The following LRMDA variants were observed in gnomAD, a reference collection of about 807,000 sequenced individuals.
LRMDA encodes the protein leucine-rich melanocyte differentiation-associated protein.
A neutral mutation model predicts 29.8 loss-of-function variants in LRMDA; 18 were observed. The observed-to-expected ratio is 0.60, with a 90% CI of 0.42 to 0.90. LRMDA has a LOEUF of 0.90. Ranked by LOEUF, LRMDA falls within the 40% of genes least tolerant of loss-of-function variation. LRMDA has a pLI of 0.00. For missense variants in LRMDA, 273 were observed against 273.9 expected (o/e 1.00, Z 0.02); for synonymous variants, 125 against 109.4 (o/e 1.14, Z -0.89).
At chr10:76,053,338 G>A (rs1413264547) in intron 4 of LRMDA, among the ~76,000 whole-genome samples, 1 of 152,166 alleles carries the variant, frequency 6.6e-6, no homozygotes, top group African/African-American at 2.4e-5. Flanking sequence ...TAACTGAAAT[G>A]TTTTATGTAC....
chr10:76,002,044 A>C (rs1347229139), intron 2 of LRMDA, among the ~76,000 whole-genome samples: 4 of 152,202 alleles, frequency 2.6e-5, no homozygotes, highest in African/African-American at 9.7e-5. Context: ...GCTTAAACAC[A>C]GACATTTGTT....
At chr10:76,078,813 C>T (rs1016052364) in intron 5 of LRMDA, among the ~76,000 whole-genome samples, 27 of 152,098 alleles carry the variant, frequency 1.8e-4, no homozygotes, top group Non-Finnish European at 2.9e-4. Flanking sequence ...CCAGCCTGGG[C>T]GACAGAGCGA....
chr10:75,981,590 A>G (rs7068822), intron 2 of LRMDA, among the ~76,000 whole-genome samples: 10,659 of 152,254 alleles, frequency 0.07, 1,163 homozygotes, highest in African/African-American at 0.23. Flanking sequence ...ACGGTGGCTC[A>G]TGCCTGTAAT....
chr10:75,468,615 G>T (rs1385556701), intron 2 of LRMDA, among the ~76,000 whole-genome samples: 1 of 152,040 alleles, frequency 6.6e-6, no homozygotes, highest in East Asian at 1.9e-4. Flanking sequence ...GTCACTTTTT[G>T]GTCCAATAAA....
At chr10:75,876,827 A>C (rs909256349) in intron 2 of LRMDA, among the ~76,000 whole-genome samples, 7 of 152,176 alleles carry the variant, frequency 4.6e-5, no homozygotes, top group African/African-American at 1.7e-4. Flanking sequence ...TTTGTGAAGC[A>C]CTTTAACACC....
chr10:76,219,593 C>T (rs1348000433), intron 5 of LRMDA, among the ~76,000 whole-genome samples: 2 of 152,198 alleles, frequency 1.3e-5, no homozygotes, highest in African/African-American at 2.4e-5. Context: ...GCACCTAATA[C>T]AGGAGCACCC....
chr10:75,821,018 A>T (rs1844148151), intron 2 of LRMDA, among the ~76,000 whole-genome samples: 1 of 152,182 alleles, frequency 6.6e-6, no homozygotes. Context: ...AAGTAATAAA[A>T]AACCCTCTAA....
chr10:75,737,072 C>T (rs1372087506), intron 2 of LRMDA, among the ~76,000 whole-genome samples: 1 of 151,866 alleles, frequency 6.6e-6, no homozygotes, highest in Non-Finnish European at 1.5e-5. Flanking sequence ...CACACACACA[C>T]ACACACGCAC....
At chr10:75,962,235 T>C (rs1056887604) in intron 2 of LRMDA, among the ~76,000 whole-genome samples, 14 of 152,032 alleles carry the variant, frequency 9.2e-5, no homozygotes. Context: ...TACTGCAGAG[T>C]GGCCCCACAA....
intron 2 of LRMDA, among the ~76,000 whole-genome samples, chr10:75,495,006 C>T (rs1845028086): frequency 6.6e-6 from 1 of 152,170 alleles, no homozygotes; most frequent in Admixed American, 6.5e-5. Context: ...TTTGCTCTTG[C>T]CTTTTAAGGA....
chr10:75,675,477 G>T (rs58163197), intron 2 of LRMDA, among the ~76,000 whole-genome samples: 5,656 of 152,282 alleles, frequency 0.037, 257 homozygotes, highest in African/African-American at 0.11. Flanking sequence ...ACTATGAAAA[G>T]CAGTCCTGTG....
intron 2 of LRMDA, among the ~76,000 whole-genome samples, chr10:75,518,345 G>A (rs1845317877): frequency 6.6e-6 from 1 of 152,042 alleles, no homozygotes; most frequent in South Asian, 2.1e-4. Flanking sequence ...ACTTTTTTTG[G>A]TTGGTAGGCT....
At chr10:76,201,018 A>T (rs951106899) in intron 5 of LRMDA, among the ~76,000 whole-genome samples, 6 of 148,284 alleles carry the variant, frequency 4.0e-5, no homozygotes, top group African/African-American at 7.4e-5. Context: ...TGCCTGGCCA[A>T]TTTTTTTTAT....
intron 6 of LRMDA, among the ~76,000 whole-genome samples, chr10:76,343,622 C>T (rs995151654): frequency 6.6e-6 from 1 of 152,068 alleles, no homozygotes; most frequent in Non-Finnish European, 1.5e-5. Context: ...TGAAAAAACA[C>T]ATCCATCTCA....
At chr10:75,538,101 T>G in intron 2 of LRMDA, among the ~76,000 whole-genome samples, 1 of 152,144 alleles carries the variant, frequency 6.6e-6, no homozygotes, top group South Asian at 2.1e-4. Flanking sequence ...TGGAGAGAAT[T>G]TTGAGGTCTG....
chr10:75,941,454 G>A (rs1846390238), intron 2 of LRMDA, among the ~76,000 whole-genome samples: 1 of 152,154 alleles, frequency 6.6e-6, no homozygotes, highest in African/African-American at 2.4e-5. Flanking sequence ...TCACCACTTT[G>A]CTTTCGGAGG....
At chr10:75,678,570 G>A (rs926560995) in intron 2 of LRMDA, among the ~76,000 whole-genome samples, 3 of 152,068 alleles carry the variant, frequency 2.0e-5, no homozygotes, top group Non-Finnish European at 2.9e-5. Context: ...AAGGTAATTC[G>A]ATTTTTATTA....
chr10:76,341,673 G>T (rs1011535732), intron 6 of LRMDA, among the ~76,000 whole-genome samples: 1 of 152,134 alleles, frequency 6.6e-6, no homozygotes, highest in African/African-American at 2.4e-5. Flanking sequence ...CTTGAAGCCT[G>T]GGAGCTAGAA....
intron 5 of LRMDA, among the ~76,000 whole-genome samples, chr10:76,193,805 T>C (rs1336750586): frequency 6.6e-6 from 1 of 152,080 alleles, no homozygotes; most frequent in East Asian, 1.9e-4. Context: ...CAGAAAATTA[T>C]AGTAAAATGT....
Sources: gnomAD v4.1 joint callset for allele counts (sites outside exome capture counted in the v4.1 genomes callset) on GRCh38, gnomAD v4.1.1 for gene constraint, MANE v1.5 for transcripts, NCBI Gene and HGNC (gene_info 2026-07-23, HGNC 2026-07-21) for gene names.